Variants in NCOR2 observed in about 807,000 individuals in gnomAD.
NCOR2 encodes the protein CTG repeat protein 26.
Under a neutral mutation model 262.9 loss-of-function variants are expected in NCOR2, and 81 were observed. That is an observed-to-expected ratio of 0.31 (90% confidence interval 0.26 to 0.37). NCOR2 has a LOEUF of 0.37. Ranked by LOEUF, NCOR2 falls within the 10% of genes least tolerant of loss-of-function variation. The pLI is 1.00. For synonymous variants in NCOR2, 1,659 were observed against 1,559.3 expected (o/e 1.06, Z -1.51); for missense variants, 3,385 against 3,621.4 (o/e 0.93, Z 1.68).
rs374759623 is a variant in NCOR2 at position 124,440,364 on chromosome 12, C to T, written c.816-2368G>A. 4.6e-5 allele frequency among the ~76,000 whole-genome samples: 7 copies of T among 152,264 alleles called. No homozygotes were observed. In the East Asian group the frequency reaches 7.7e-4, roughly 17 times the overall value. ...AGGGCCTGGAATCCACCTCAGTCCC[C>T]GGGTCATTCTGGTGGTGACTTGGCC... On this transcript the variant is annotated intron_variant, in intron 7 of 46. Coordinates refer to ENST00000405201, the Ensembl canonical transcript of NCOR2. The surrounding 1 kb of genome is among the most constrained non-coding windows in gnomAD (Gnocchi z 5.7).
At chr12:124,366,870 T>C (rs1311387569) in intron 20 of NCOR2, among the ~76,000 whole-genome samples, 4 of 152,122 alleles carry the variant, frequency 2.6e-5, no homozygotes, top group African/African-American at 9.7e-5. Flanking sequence ...GATATCTTAA[T>C]AACGGTTACA....
intron 17 of NCOR2, among the ~76,000 whole-genome samples, chr12:124,382,644 AC>A (rs1245323879): frequency 6.6e-6 from 1 of 152,112 alleles, no homozygotes; most frequent in Non-Finnish European, 1.5e-5. Flanking sequence ...CACTCCCTCC[AC>A]GGTCCACTAA....
At chr12:124,354,661 AG>A (rs2037799797) in intron 25 of NCOR2, 79 bp from the exon 28 acceptor site, 2 of 1,387,802 alleles carry the variant, frequency 1.4e-6, no homozygotes. Flanking sequence ...AACCTGAGCC[AG>A]GGGCTGGGAA....
intron 13 of NCOR2, among the ~76,000 whole-genome samples, chr12:124,414,047 A>G (rs1414279040): frequency 1.3e-5 from 2 of 151,864 alleles, no homozygotes; most frequent in Non-Finnish European, 2.9e-5. Flanking sequence ...GAGCCTCATC[A>G]TGAGCCCCTC....
At position 124,369,357 on chromosome 12, in the gene NCOR2, G is replaced by A. The variant is rs930861650; in HGVS notation, c.2807+2665C>T. ...TCTCTCCCAAAGTCACCGGGGCGGG[G>A]GGCCAGATGAGAGTCATCTTGCGTC... On this transcript the variant is annotated intron_variant, in intron 20 of 46. Transcript: ENST00000405201. Among the ~76,000 whole-genome samples, 16 of 152,334 alleles carry A rather than the reference G, an allele frequency of 1.1e-4. No homozygotes were observed. The South Asian group carries it at 3.1e-3, about 30-fold the overall frequency.
intron 7 of NCOR2, among the ~76,000 whole-genome samples, chr12:124,446,440 G>A (rs942454235): frequency 1.3e-5 from 2 of 152,010 alleles, no homozygotes; most frequent in Non-Finnish European, 2.9e-5. Flanking sequence ...CCAGCCCCCC[G>A]TGACCTGGCC....
intron 30 of NCOR2, 34 bp from the exon 33 acceptor site, chr12:124,346,884 G>A (rs1469705207): frequency 1.3e-6 from 2 of 1,489,400 alleles, no homozygotes; most frequent in African/African-American, 2.8e-5. Flanking sequence ...CTCACGCCCC[G>A]CCCCACCCAG....
intron 16 of NCOR2, chr12:124,388,839 G>A (rs1289341314): frequency 1.7e-5 from 22 of 1,268,760 alleles, no homozygotes; most frequent in Non-Finnish European, 2.3e-5. Context: ...GCTCAGCTCA[G>A]CCTCACATCC....
At chr12:124,496,625 C>G (rs2048396046), upstream of NCOR2, among the ~76,000 whole-genome samples, 1 of 152,102 alleles carries the variant, frequency 6.6e-6, no homozygotes. The surrounding 1 kb of genome is among the most constrained non-coding windows in gnomAD (Gnocchi z 4.4). Flanking sequence ...GCAGGAAAGC[C>G]CTTGGAGGCC....
intron 13 of NCOR2, among the ~76,000 whole-genome samples, chr12:124,417,723 T>C (rs907912939): frequency 6.6e-6 from 1 of 152,200 alleles, no homozygotes; most frequent in Admixed American, 6.5e-5. Context: ...ACTTACCTTT[T>C]TGCCTCTCAG....
At chr12:124,451,571 TTCTG>T (rs35303532) in intron 6 of NCOR2, among the ~76,000 whole-genome samples, 1 of 151,386 alleles carries the variant, frequency 6.6e-6, no homozygotes, top group Non-Finnish European at 1.5e-5. Flanking sequence ...GTGTATGTCT[TTCTG>T]TCTGTCTGTC....
chr12:124,494,178 T>A (rs1334146363), intron 1 of NCOR2, among the ~76,000 whole-genome samples: 1 of 152,130 alleles, frequency 6.6e-6, no homozygotes, highest in African/African-American at 2.4e-5. Context: ...CAGCTTCCTT[T>A]CTGGTTCTCA....
intron 19 of NCOR2, among the ~76,000 whole-genome samples, chr12:124,373,842 AT>A (rs11329771): frequency 0.57 from 6,004 of 10,526 alleles, 2,667 homozygotes; most frequent in East Asian, 0.88. Context: ...ACGGTGGACA[AT>A]CATGAGGCCA....
In NCOR2 at chr12:124,481,006, G is replaced by A. The variant is rs1240437960; in HGVS notation, c.411+2590C>T. Among the ~76,000 whole-genome samples, 1 of 151,968 alleles carries A rather than the reference G, an allele frequency of 6.6e-6. No individual in the cohort carries two copies. The highest frequency in any genetic ancestry group is 6.6e-5 in the Admixed American group (1 of 15,262). On this transcript the variant is annotated intron_variant, in intron 3 of 46. Transcript: ENST00000405201. The surrounding 1 kb of genome is among the most constrained non-coding windows in gnomAD (Gnocchi z 4.6). ...ACAGATGGCCGCAGGCAGATGGGCT[G>A]GGTGGCGCTGGGTGGTGGCTGGGAG... is the stretch of plus-strand genomic sequence containing the variant.
chr12:124,387,951 G>A (rs1456649494), intron 16 of NCOR2, among the ~76,000 whole-genome samples: 1 of 152,118 alleles, frequency 6.6e-6, no homozygotes, highest in East Asian at 1.9e-4. Context: ...CAACAACACT[G>A]GGGAGGTTGA....
intron 16 of NCOR2, among the ~76,000 whole-genome samples, chr12:124,392,738 C>CA (rs139320351): frequency 0.12 from 18,479 of 152,298 alleles, 1,358 homozygotes; most frequent in South Asian, 0.17. Flanking sequence ...CTCCAGGCTC[C>CA]AGGCTGGGGG....
At chr12:124,461,782 A>T (rs1228795993) in intron 5 of NCOR2, among the ~76,000 whole-genome samples, 1 of 152,250 alleles carries the variant, frequency 6.6e-6, no homozygotes, top group Non-Finnish European at 1.5e-5. Context: ...CAGATGCACG[A>T]ATACCTATAT....
chr12:124,456,918 G>A (rs1331335521), intron 6 of NCOR2, among the ~76,000 whole-genome samples, 188 bp downstream of exon 8: 1 of 119,114 alleles, frequency 8.4e-6, no homozygotes, highest in African/African-American at 3.3e-5. Context: ...AGCCCAGCCA[G>A]GCCCGCCCAC....
At position 124,523,998 on chromosome 12, in the gene NCOR2, T is replaced by A. The variant is rs1270544302; in HGVS notation, c.-118+11567A>T. Among the ~76,000 whole-genome samples the A allele has an allele frequency of 1.3e-5, 2 of 152,232 alleles. No individual in the cohort carries two copies. Among genetic ancestry groups the A allele is most frequent in the Non-Finnish European group, 2.9e-5 (2 of 68,044 alleles). On this transcript the variant is annotated intron_variant, in intron 1 of 46. Transcript: ENST00000404621. The surrounding 1 kb of genome is among the most constrained non-coding windows in gnomAD (Gnocchi z 4.0). Reference sequence around the variant, plus strand: ...AACTGCTGTGGCCGTGGGCCTTGACTTTCAGAAATGGCATCTCCAATGGTG... The same window carrying A: ...AACTGCTGTGGCCGTGGGCCTTGACATTCAGAAATGGCATCTCCAATGGTG...
Sources: gnomAD v4.1 joint callset for allele counts (sites outside exome capture counted in the v4.1 genomes callset) on GRCh38, gnomAD v4.1.1 for gene constraint, Gnocchi (gnomAD v3.1) non-coding constraint, MANE v1.5 for transcripts, NCBI Gene and HGNC (gene_info 2026-07-23, HGNC 2026-07-21) for gene names.